The following COL4A4 variants were observed in gnomAD, a reference collection of about 807,000 sequenced individuals.
COL4A4 encodes the protein collagen alpha-4(IV) chain.
COL4A4 carries 105 observed loss-of-function variants against 192.9 expected under a neutral mutation model. That is an observed-to-expected ratio of 0.54 (90% CI 0.46 to 0.64). COL4A4 has a LOEUF of 0.64. Ranked by LOEUF, COL4A4 falls within the 30% of genes least tolerant of loss-of-function variation. The pLI is 0.00. For synonymous variants in COL4A4, 762 were observed against 769.9 expected (o/e 0.99, Z 0.17); for missense variants, 1,967 against 2,169.3 (o/e 0.91, Z 1.85).
intron 15 of COL4A4, 72 bp downstream of exon 15, chr2:227,102,717 G>T: frequency 1.5e-6 from 2 of 1,330,286 alleles, no homozygotes; most frequent in South Asian, 2.3e-5. Context: ...TGGGACTACT[G>T]ACCTGGTTTT....
At chr2:227,139,397 A>G (rs2063043443) in intron 4 of COL4A4, among the ~76,000 whole-genome samples, 1 of 152,200 alleles carries the variant, frequency 6.6e-6, no homozygotes, top group Admixed American at 6.5e-5. Flanking sequence ...GTAATTAGAG[A>G]ATTGTTTGAT....
rs1399801499 is a variant in COL4A4, at chr2:227,147,487, A to C, written c.-4T>G. On this transcript the variant is annotated 5_prime_UTR_variant, in exon 2 of 48. Transcript: ENST00000396625. ...GTACTATGTGCAGAGACCACATCGCAGGCAAGTCTTAGTACTTAAAAAATA... is the reference window on the plus strand; with the variant it reads ...GTACTATGTGCAGAGACCACATCGCCGGCAAGTCTTAGTACTTAAAAAATA... The C allele has an allele frequency of 1.2e-6, 2 of 1,613,382 alleles. No individual in the cohort carries two copies. The highest frequency in any genetic ancestry group is 1.7e-5 in the Admixed American group (1 of 60,002).
At chr2:227,002,578 C>T (rs1961255241), downstream of COL4A4, 1 of 152,150 alleles carries the variant, frequency 6.6e-6, no homozygotes, top group South Asian at 2.1e-4. Context: ...TGAATCTCAT[C>T]CTTTCCAGCC....
chr2:226,969,128 G>A, the COL4A4 span: 64 of 170,842 alleles, frequency 3.7e-4, no homozygotes, highest in African/African-American at 1.5e-3. Context: ...GAACACTGAG[G>A]TGTTTTATAG....
the COL4A4 span, among the ~76,000 whole-genome samples, chr2:226,978,952 G>A: frequency 3.3e-4 from 50 of 152,152 alleles, no homozygotes; most frequent in Non-Finnish European, 5.6e-4. Flanking sequence ...TTGTGTTAGA[G>A]TTCTTCAGAG....
At chr2:227,163,273 C>A (rs1176570802) in intron 1 of COL4A4, among the ~76,000 whole-genome samples, 1 of 152,186 alleles carries the variant, frequency 6.6e-6, no homozygotes. Flanking sequence ...TTGCACCCAC[C>A]GGTATTTTCA....
chr2:227,048,967 T>A (rs796652602), intron 34 of COL4A4, among the ~76,000 whole-genome samples: 60 of 152,348 alleles, frequency 3.9e-4, no homozygotes, highest in African/African-American at 1.4e-3. Flanking sequence ...TTATAGAGTG[T>A]CTCTCAAAGT....
At chr2:226,977,092 A>C in the COL4A4 span, among the ~76,000 whole-genome samples, 3 of 152,302 alleles carry the variant, frequency 2.0e-5, no homozygotes, top group South Asian at 6.2e-4. Flanking sequence ...GCCTGTCTTC[A>C]TGGAAAAAGG....
At chr2:227,052,731 T>C (rs1265206549) in intron 31 of COL4A4, among the ~76,000 whole-genome samples, 2 of 152,082 alleles carry the variant, frequency 1.3e-5, no homozygotes, top group Non-Finnish European at 2.9e-5. Context: ...TAAAAAAATG[T>C]CGCTTTGTTC....
intron 37 of COL4A4, among the ~76,000 whole-genome samples, chr2:227,036,416 T>C (rs1671209302): frequency 6.6e-6 from 1 of 152,192 alleles, no homozygotes; most frequent in African/African-American, 2.4e-5. Context: ...CTGCGACTTC[T>C]TCCTGGTTTT....
Position 227,098,703 on chromosome 2 carries a change from C to A in COL4A4, c.1195G>T (p.Ala399Ser). ...ATCAGGGCATCCGTACCTGCACAGGCTTCCCCTGGTCTGCCCAAGAGACCT... is the reference window on the plus strand; with the variant it reads ...ATCAGGGCATCCGTACCTGCACAGGATTCCCCTGGTCTGCCCAAGAGACCT... Reference protein sequence around the residue: ...PPGLLGRPGEACAGMIGPPGP... With the variant: ...PPGLLGRPGESCAGMIGPPGP... The change falls in exon 19 of 48, where the codon GCC (alanine) becomes TCC (serine). Residue 399 changes from alanine to serine, a missense_variant. Transcript: ENST00000396625. 6.2e-7 allele frequency: 1 copy of A among 1,613,904 alleles called. No homozygotes were observed. The highest frequency in any genetic ancestry group is 2.2e-5 in the East Asian group (1 of 44,874).
intron 20 of COL4A4, 110 bp downstream of exon 20, chr2:227,094,015 T>C (rs2060076268): frequency 1.9e-6 from 2 of 1,060,838 alleles, no homozygotes; most frequent in African/African-American, 1.6e-5. Context: ...ACTTAGCTCA[T>C]GAAACATCAT....
chr2:227,064,164 T>G (rs1385402404), intron 25 of COL4A4, among the ~76,000 whole-genome samples: 1 of 152,084 alleles, frequency 6.6e-6, no homozygotes, highest in African/African-American at 2.4e-5. Flanking sequence ...TAAATAAATT[T>G]AAAAAGCAAT....
At chr2:226,972,927 A>G in the COL4A4 span, among the ~76,000 whole-genome samples, 1 of 110,076 alleles carries the variant, frequency 9.1e-6, no homozygotes, top group Non-Finnish European at 1.8e-5. Context: ...GGAAGCCTGT[A>G]GCAAAAAAAA....
chr2:227,053,976 T>C (rs1192899778), intron 31 of COL4A4, among the ~76,000 whole-genome samples: 1 of 152,272 alleles, frequency 6.6e-6, no homozygotes, highest in Non-Finnish European at 1.5e-5. Context: ...CCAGTTTCTG[T>C]ACAGCACATG....
At chr2:227,107,515 A>G (rs546305052) in intron 12 of COL4A4, among the ~76,000 whole-genome samples, 125 of 152,280 alleles carry the variant, frequency 8.2e-4, no homozygotes, top group Non-Finnish European at 8.4e-4. Flanking sequence ...GTTGTTATAT[A>G]TATTTTTGAC....
the COL4A4 span, among the ~76,000 whole-genome samples, chr2:226,975,828 A>G: frequency 6.6e-6 from 1 of 152,120 alleles, no homozygotes; most frequent in Admixed American, 6.5e-5. Context: ...TAATACACAA[A>G]AGCAAGATTT....
At position 227,005,790 on chromosome 2, in the gene COL4A4, C is replaced by T. The variant is rs1228628389; in HGVS notation, c.*1535G>A. 1.3e-5 allele frequency: 2 copies of T among 152,172 alleles called. No homozygotes were observed. The highest frequency in any genetic ancestry group is 2.4e-5 in the African/African-American group (1 of 41,444). 9.4% of individuals were successfully genotyped at this position (152,172 alleles called of 1,614,324 possible). On this transcript the variant is annotated 3_prime_UTR_variant, in exon 48 of 48. Coordinates refer to ENST00000396625, the MANE Select transcript of COL4A4 (RefSeq NM_000092.5). The stretch of plus-strand genomic sequence containing the variant: ...AAAGCACTAAAATGAGTGTCACGCT[C>T]ATGAGAAATTTCTTTAGTTTTCTCT...
Position 227,103,143 on chromosome 2 carries a change from C to G in COL4A4, c.870+1G>C. 6.2e-7 allele frequency: 1 copy of G among 1,609,358 alleles called. No homozygotes were observed. Among genetic ancestry groups the G allele is most frequent in the Non-Finnish European group, 8.5e-7 (1 of 1,178,244 alleles). ...AAAAAAAAGGTACTTAAATAAACTA[C>G]CTTGCGTCCTGGTGGTCCTGGCAGT... On this transcript the variant is annotated splice_donor_variant, in intron 14 of 47. Coordinates refer to ENST00000396625, the MANE Select transcript of COL4A4 (RefSeq NM_000092.5). LOFTEE classifies it high-confidence loss of function.
Sources: allele counts gnomAD v4.1 joint callset (sites outside exome capture counted in the v4.1 genomes callset), GRCh38; gene constraint gnomAD v4.1.1; transcripts MANE v1.5; gene names NCBI Gene and HGNC (gene_info 2026-07-23, HGNC 2026-07-21).